Variants in ESRRG observed in about 807,000 individuals in gnomAD.
ESRRG encodes estrogen-related receptor gamma.
A neutral mutation model predicts 44.0 loss-of-function variants in ESRRG; 13 were observed. The ratio of observed to expected loss-of-function variants is 0.30; its 90% confidence interval spans 0.19 to 0.47. The LOEUF is 0.47. Among genes scored for constraint, ESRRG ranks in the 20% least tolerant of loss-of-function variants. The pLI, the probability that ESRRG is intolerant of heterozygous loss-of-function variation, is 1.00. For synonymous variants in ESRRG, 215 were observed against 214.6 expected (o/e 1.00, Z -0.02); for missense variants, 395 against 580.6 (o/e 0.68, Z 3.29).
chr1:216,504,753 A>G lies in ESRRG; in HGVS notation c.*2186T>C, dbSNP rs1031963596. On this transcript the variant is annotated 3_prime_UTR_variant, in exon 7 of 7. Transcript: ENST00000408911. ...TCAAAGTTTTATTTCTAAGCTATAC[A>G]TTGGTATTCTATAATAAACCATTAG... is the stretch of plus-strand genomic sequence containing the variant. The G allele has an allele frequency of 1.3e-5, 2 of 152,636 alleles. No homozygotes were observed. The highest frequency in any genetic ancestry group is 2.1e-4 in the South Asian group (1 of 4,836). The allele number at this position is 152,636 out of a possible 1,614,324, so 9.5% of individuals were successfully genotyped here. A position where few individuals can be genotyped will look rare whatever the true frequency, so the allele number is the denominator to read the frequency against.
intron 2 of ESRRG, among the ~76,000 whole-genome samples, chr1:216,657,028 CAAGA>C (rs1467124194): frequency 6.6e-6 from 1 of 152,166 alleles, no homozygotes; most frequent in East Asian, 1.9e-4. Flanking sequence ...AAAACATAAA[CAAGA>C]AAGAAAGAAA....
chr1:216,739,007 C>T (rs2090332836), intron 2 of ESRRG, among the ~76,000 whole-genome samples: 1 of 152,102 alleles, frequency 6.6e-6, no homozygotes, highest in Non-Finnish European at 1.5e-5. Flanking sequence ...TGTCCCACTG[C>T]AACCAGCCCC....
intron 2 of ESRRG, chr1:216,939,448 T>C (rs1231922079): frequency 6.8e-6 from 1 of 147,770 alleles, no homozygotes; most frequent in Non-Finnish European, 1.5e-5. Context: ...TACTATGAAA[T>C]ACTAGCCAAC....
chr1:216,508,228 T>C (rs1218855335), intron 6 of ESRRG, among the ~76,000 whole-genome samples: 3 of 152,198 alleles, frequency 2.0e-5, no homozygotes, highest in East Asian at 1.9e-4. Context: ...TGGCTAAATA[T>C]ATAATAAAAA....
chr1:217,011,977 C>T (rs1216323657), intron 1 of ESRRG, among the ~76,000 whole-genome samples: 1 of 152,152 alleles, frequency 6.6e-6, no homozygotes, highest in Non-Finnish European at 1.5e-5. Flanking sequence ...GAAGCCCCAC[C>T]ATCATTGCAA....
chr1:216,831,304 A>G (rs974819403), intron 2 of ESRRG, among the ~76,000 whole-genome samples: 1 of 152,152 alleles, frequency 6.6e-6, no homozygotes, highest in Non-Finnish European at 1.5e-5. Context: ...ACCTTATTGC[A>G]AATTATGCAA....
chr1:216,821,830 T>C (rs1286262848), intron 2 of ESRRG, among the ~76,000 whole-genome samples: 1 of 151,936 alleles, frequency 6.6e-6, no homozygotes, highest in Non-Finnish European at 1.5e-5. Context: ...ATCTCACTTG[T>C]GTCTTACAGT....
chr1:216,516,668 C>CACACACACACACAGAGAGAGAG (rs376701865), intron 6 of ESRRG, among the ~76,000 whole-genome samples: 4 of 137,164 alleles, frequency 2.9e-5, no homozygotes, highest in African/African-American at 8.8e-5. Context: ...CACACACACA[C>CACACACACACACAGAGAGAGAG]AGAGAGAGAG....
intron 1 of ESRRG, among the ~76,000 whole-genome samples, chr1:217,062,060 C>T (rs2088624472): frequency 6.6e-6 from 1 of 152,028 alleles, no homozygotes; most frequent in African/African-American, 2.4e-5. Flanking sequence ...TGAGGGCAGC[C>T]CAGCACTGCC....
intron 1 of ESRRG, among the ~76,000 whole-genome samples, chr1:217,018,626 T>A (rs2079809150): frequency 6.6e-6 from 1 of 152,192 alleles, no homozygotes; most frequent in Non-Finnish European, 1.5e-5. Context: ...TCACAGTGAA[T>A]ATACAAGTCA....
chr1:216,637,878 A>G (rs2065614702), intron 3 of ESRRG, among the ~76,000 whole-genome samples: 1 of 152,140 alleles, frequency 6.6e-6, no homozygotes, highest in South Asian at 2.1e-4. Context: ...TGTCATGGTC[A>G]TATGAATATA....
upstream of ESRRG, among the ~76,000 whole-genome samples, chr1:216,725,028 C>G (rs765184457): frequency 1.3e-5 from 2 of 152,088 alleles, no homozygotes; most frequent in African/African-American, 2.4e-5. Flanking sequence ...TAAATTAGGA[C>G]TCAACTCCCT....
rs576672412 is a variant in ESRRG, at chr1:216,757,337, T to TAC, written c.-13-79848_-13-79847dup. Among the ~76,000 whole-genome samples the TAC allele has an allele frequency of 2.5e-3, 386 of 152,164 alleles. 1 individual carries two copies. The highest frequency in any genetic ancestry group is 9.1e-4 in the Non-Finnish European group (62 of 67,998). On this transcript the variant is annotated intron_variant, in intron 2 of 7. Coordinates refer to the ESRRG transcript ENST00000359162. ...CCTCTACTTAGAATGTCTTTCATGG[T>TAC]ACACAATGAAGTGTAAAACTGCTGT...
chr1:216,703,361 G>A (rs1236584135), intron 1 of ESRRG, among the ~76,000 whole-genome samples: 1 of 152,150 alleles, frequency 6.6e-6, no homozygotes, highest in African/African-American at 2.4e-5. Context: ...ACTCATCTGT[G>A]TTGGGCCGCA....
chr1:216,983,447 G>T (rs1306601505), intron 1 of ESRRG, among the ~76,000 whole-genome samples: 1 of 152,012 alleles, frequency 6.6e-6, no homozygotes, highest in Non-Finnish European at 1.5e-5. Context: ...GCCCAGACTG[G>T]TCTCAAACTC....
chr1:216,625,121 C>T (rs1160076523), intron 3 of ESRRG, among the ~76,000 whole-genome samples: 1 of 152,140 alleles, frequency 6.6e-6, no homozygotes, highest in Non-Finnish European at 1.5e-5. Context: ...ATGAAACTGT[C>T]TCCTCTTTTA....
At chr1:216,928,297 T>C (rs1004231761) in intron 2 of ESRRG, among the ~76,000 whole-genome samples, 1 of 152,166 alleles carries the variant, frequency 6.6e-6, no homozygotes, top group South Asian at 2.1e-4. Context: ...TCACCTCTTT[T>C]CCCCAGTGTC....
chr1:216,963,200 CA>C (rs2069483692), intron 1 of ESRRG, among the ~76,000 whole-genome samples: 1 of 152,056 alleles, frequency 6.6e-6, no homozygotes, highest in Non-Finnish European at 1.5e-5. Context: ...GAGGAAAGAA[CA>C]AAAGGAAATG....
chr1:216,851,920 GATACAAAAAAAAA>G (rs1011662391), intron 2 of ESRRG, among the ~76,000 whole-genome samples: 4 of 151,034 alleles, frequency 2.6e-5, no homozygotes, highest in African/African-American at 9.7e-5. Flanking sequence ...AAAATAATAA[GATACAAAAAAAAA>G]ATCACCAAAT....
Sources: allele counts gnomAD v4.1 joint callset (sites outside exome capture counted in the v4.1 genomes callset), GRCh38; gene constraint gnomAD v4.1.1; transcripts MANE v1.5; gene names NCBI Gene and HGNC (gene_info 2026-07-23, HGNC 2026-07-21).